The following RPH3A variants were observed in gnomAD, a reference collection of about 807,000 sequenced individuals.
RPH3A encodes the protein rabphilin-3A.
RPH3A carries 48 observed loss-of-function variants against 102.2 expected under a neutral mutation model. The ratio of observed to expected loss-of-function variants is 0.47; its 90% CI spans 0.37 to 0.60. RPH3A has a LOEUF of 0.60. Ranked by LOEUF, RPH3A falls within the 20% of genes least tolerant of loss-of-function variation. RPH3A has a pLI of 0.00. For missense variants in RPH3A, 781 were observed against 910.1 expected, an observed-to-expected ratio of 0.86 and a Z score of 1.83; for synonymous variants, 310 against 324.3, an observed-to-expected ratio of 0.96 and a Z score of 0.47.
At chr12:112,684,426 TTTTTG>T (rs1191668087) in intron 1 of RPH3A, among the ~76,000 whole-genome samples, 1 of 151,932 alleles carries the variant, frequency 6.6e-6, no homozygotes, top group Non-Finnish European at 1.5e-5. Flanking sequence ...GCACAGCCAA[TTTTTG>T]TTTTCTTTTT....
At chr12:112,688,441 C>T (rs1046725524) in intron 1 of RPH3A, among the ~76,000 whole-genome samples, 1 of 152,116 alleles carries the variant, frequency 6.6e-6, no homozygotes, top group African/African-American at 2.4e-5. Context: ...TAGCCGTGAA[C>T]CTCAAGGATT....
chr12:112,890,702 G>A, intron 18 of RPH3A, 147 bp from the exon 19 acceptor site: 2 of 817,016 alleles, frequency 2.4e-6, no homozygotes, highest in Non-Finnish European at 3.8e-6. Flanking sequence ...CCTCTTTGGA[G>A]GCTAAGCCAT....
intron 1 of RPH3A, among the ~76,000 whole-genome samples, chr12:112,625,782 G>A (rs2039764878): frequency 8.7e-6 from 1 of 115,518 alleles, no homozygotes; most frequent in Non-Finnish European, 1.8e-5. Context: ...AAAGCTGGAG[G>A]CATCACACTA....
intron 1 of RPH3A, among the ~76,000 whole-genome samples, chr12:112,772,745 A>T (rs868624269): frequency 7.3e-5 from 11 of 151,710 alleles, no homozygotes; most frequent in Admixed American, 1.3e-4. Flanking sequence ...TTATATATAT[A>T]TTTTCCATAA....
intron 1 of RPH3A, among the ~76,000 whole-genome samples, chr12:112,731,050 A>C (rs2040630199): frequency 6.6e-6 from 1 of 152,208 alleles, no homozygotes; most frequent in African/African-American, 2.4e-5. Flanking sequence ...GCCGTGTTCC[A>C]GAGGGATCCT....
chr12:112,739,988 C>G (rs1162576208), intron 1 of RPH3A, among the ~76,000 whole-genome samples: 1 of 152,160 alleles, frequency 6.6e-6, no homozygotes, highest in Non-Finnish European at 1.5e-5. Flanking sequence ...TGTTGCTAGT[C>G]TCTGGCTGGC....
rs1007192877 is a variant in RPH3A, at chr12:112,897,898, C to T, written c.*1118C>T. 2.0e-5 allele frequency: 3 copies of T among 152,282 alleles called. No homozygotes were observed. Among genetic ancestry groups the T allele is most frequent in the African/African-American group, 2.4e-5 (1 of 41,442 alleles). 9.4% of individuals were successfully genotyped at this position (152,282 alleles called of 1,614,324 possible). On this transcript the variant is annotated 3_prime_UTR_variant, in exon 22 of 22. Transcript: ENST00000389385. ...GGTGGGCACGGAGGCATTTAGAAGACCAGGGCCATGGGTCTGAGGAAGCCT... is the reference window on the plus strand; with the variant it reads ...GGTGGGCACGGAGGCATTTAGAAGATCAGGGCCATGGGTCTGAGGAAGCCT...
chr12:112,849,919 A>G (rs2042294801), intron 5 of RPH3A, among the ~76,000 whole-genome samples: 1 of 152,220 alleles, frequency 6.6e-6, no homozygotes, highest in Non-Finnish European at 1.5e-5. Context: ...AGTTGTATCA[A>G]CATGGCCACT....
chr12:112,607,783 T>G (rs1271270056), intron 1 of RPH3A, among the ~76,000 whole-genome samples: 2 of 152,206 alleles, frequency 1.3e-5, no homozygotes, highest in Non-Finnish European at 2.9e-5. Flanking sequence ...GCAATTTCTC[T>G]TCCTCCTAAA....
chr12:112,670,621 C>T (rs1305928325), intron 1 of RPH3A, among the ~76,000 whole-genome samples: 1 of 152,140 alleles, frequency 6.6e-6, no homozygotes, highest in Non-Finnish European at 1.5e-5. Flanking sequence ...TCCTTTAGGT[C>T]TGGGCTGGGC....
At position 112,859,801 on chromosome 12, in the gene RPH3A, T is replaced by C. The variant is rs1387957684; in HGVS notation, c.231-5613T>C. Among the ~76,000 whole-genome samples the C allele has an allele frequency of 4.6e-5, 7 of 152,208 alleles. No individual in the cohort carries two copies. In the East Asian group the frequency reaches 1.2e-3, roughly 25 times the overall value. On this transcript the variant is annotated intron_variant, in intron 5 of 21. Transcript: ENST00000389385. Reference sequence around the variant, plus strand: ...GGCCTCCCCCAACCCCATAGAATTATTCTCTGAATATTGAACATTCTCCCC... The same window carrying C: ...GGCCTCCCCCAACCCCATAGAATTACTCTCTGAATATTGAACATTCTCCCC...
At chr12:112,794,553 CA>C (rs2041188999) in intron 2 of RPH3A, among the ~76,000 whole-genome samples, 1 of 152,122 alleles carries the variant, frequency 6.6e-6, no homozygotes. Flanking sequence ...TTGAAGGCTC[CA>C]AAGAGACTCT....
chr12:112,663,523 T>C (rs964684410), intron 1 of RPH3A, among the ~76,000 whole-genome samples: 22 of 152,088 alleles, frequency 1.4e-4, no homozygotes, highest in African/African-American at 5.1e-4. Context: ...AATTTACTTA[T>C]TATTATTATT....
intron 10 of RPH3A, among the ~76,000 whole-genome samples, chr12:112,873,155 A>T (rs2042735132): frequency 6.6e-6 from 1 of 152,212 alleles, no homozygotes; most frequent in Non-Finnish European, 1.5e-5. Flanking sequence ...CATAATAACA[A>T]CTTAAACTTA....
At chr12:112,795,291 T>C (rs1268793482) in intron 2 of RPH3A, among the ~76,000 whole-genome samples, 1 of 152,232 alleles carries the variant, frequency 6.6e-6, no homozygotes, top group Non-Finnish European at 1.5e-5. Context: ...AAGCCAGGAA[T>C]TGATGTGAAG....
At position 112,894,701 on chromosome 12, in the gene RPH3A, T is replaced by G. The variant is rs373477002; in HGVS notation, c.1857+42T>G. 4 of 1,584,918 alleles carry G rather than the reference T, an allele frequency of 2.5e-6. No individual in the cohort carries two copies. The Admixed American group carries it at 6.8e-5, about 27-fold the overall frequency. ...CTTTTTCATGCTCTGGGATATTTGCTGTGTGTTAGAGAGGCACAAATAGCC... is the reference window on the plus strand; with the variant it reads ...CTTTTTCATGCTCTGGGATATTTGCGGTGTGTTAGAGAGGCACAAATAGCC... On this transcript the variant is annotated intron_variant, in intron 20 of 21. Transcript: ENST00000389385.
At chr12:112,678,614 A>G (rs2040204383) in intron 1 of RPH3A, among the ~76,000 whole-genome samples, 1 of 152,060 alleles carries the variant, frequency 6.6e-6, no homozygotes, top group African/African-American at 2.4e-5. Context: ...AAAATCTATA[A>G]TGGTCTGGAA....
chr12:112,732,884 G>T (rs1052603275), intron 1 of RPH3A, among the ~76,000 whole-genome samples: 10 of 152,180 alleles, frequency 6.6e-5, no homozygotes, highest in African/African-American at 2.4e-4. Context: ...GTAGATGTTG[G>T]CTATTGCTGT....
intron 1 of RPH3A, among the ~76,000 whole-genome samples, chr12:112,628,343 G>A (rs1004412711): frequency 5.9e-5 from 9 of 151,864 alleles, no homozygotes; most frequent in Non-Finnish European, 1.2e-4. Flanking sequence ...CTTGGTGGTG[G>A]AGCAAGTAAG....
Sources: allele counts gnomAD v4.1 joint callset (sites outside exome capture counted in the v4.1 genomes callset), GRCh38; gene constraint gnomAD v4.1.1; transcripts MANE v1.5; gene names NCBI Gene and HGNC (gene_info 2026-07-23, HGNC 2026-07-21).